Variants in DAPK1 observed in about 807,000 individuals in gnomAD.
The protein encoded by DAPK1 is death-associated protein kinase 1.
A neutral mutation model predicts 144.9 loss-of-function variants in DAPK1; 56 were observed. That is an observed-to-expected ratio of 0.39 (90% confidence interval 0.31 to 0.48). DAPK1 has a LOEUF of 0.48. DAPK1 is among the 20% of genes least tolerant of loss of function. The probability of loss-of-function intolerance (pLI) is 0.95; values close to 1 mark genes in which losing one functional copy is unlikely to be tolerated. For missense variants in DAPK1, 1,454 were observed against 1,875.4 expected, an observed-to-expected ratio of 0.78 and a Z score of 4.15; for synonymous variants, 690 against 749.0, an observed-to-expected ratio of 0.92 and a Z score of 1.29.
At chr9:87,602,649 CCT>C (rs1460151794) in intron 2 of DAPK1, among the ~76,000 whole-genome samples, 1 of 151,646 alleles carries the variant, frequency 6.6e-6, no homozygotes, top group Non-Finnish European at 1.5e-5. Context: ...TCTTTTTCCC[CCT>C]GAGACGGAGT....
intron 2 of DAPK1, among the ~76,000 whole-genome samples, chr9:87,526,553 G>A (rs1269254679): frequency 1.3e-5 from 2 of 152,226 alleles, no homozygotes; most frequent in Non-Finnish European, 2.9e-5. Flanking sequence ...CCAACTGAAT[G>A]ACATTTGGAT....
At chr9:87,571,498 A>AACACACACACACACACACGCAC (rs1827352433) in intron 2 of DAPK1, among the ~76,000 whole-genome samples, 1 of 46,492 alleles carries the variant, frequency 2.2e-5, no homozygotes, top group African/African-American at 9.6e-5. Context: ...CACACACCCC[A>AACACACACACACACACACGCAC]ACACACACAC....
chr9:87,605,079 G>C lies in DAPK1; in HGVS notation c.188G>C (p.Arg63Pro). 6.2e-7 allele frequency: 1 copy of C among 1,614,190 alleles called. No homozygotes were observed. ...GGTGTGAGCCGCGAGGACATCGAGCGGGAGGTCAGCATCCTGAAGGAGATC... is the reference window on the plus strand; with the variant it reads ...GGTGTGAGCCGCGAGGACATCGAGCCGGAGGTCAGCATCCTGAAGGAGATC... ...RRGVSREDIEREVSILKEIQH... is the reference protein window; with the variant it reads ...RRGVSREDIEPEVSILKEIQH... Residue 63 changes from arginine (R) to proline (P), a missense_variant, in exon 3 of 26, where the codon CGG (arginine) becomes CCG (proline). This residue lies in a region of DAPK1 where 429 missense variants were observed against 637.5 expected (regional missense o/e 0.67). Coordinates refer to ENST00000408954, the MANE Select transcript of DAPK1 (RefSeq NM_004938.4).
intron 2 of DAPK1, among the ~76,000 whole-genome samples, chr9:87,530,408 T>A (rs1825659434): frequency 6.6e-6 from 1 of 152,238 alleles, no homozygotes; most frequent in Non-Finnish European, 1.5e-5. Context: ...ATTTCAAGTC[T>A]GTTTTGTAAG....
intron 17 of DAPK1, among the ~76,000 whole-genome samples, chr9:87,652,993 C>T (rs1830508158): frequency 7.8e-6 from 1 of 128,742 alleles, no homozygotes; most frequent in Non-Finnish European, 1.7e-5. Flanking sequence ...GTGTCCATCC[C>T]CCCGATCCCG....
chr9:87,577,197 G>C (rs1827592791), intron 2 of DAPK1, among the ~76,000 whole-genome samples: 1 of 152,110 alleles, frequency 6.6e-6, no homozygotes, highest in South Asian at 2.1e-4. Flanking sequence ...GTGGTTTCTG[G>C]ACCTGCATCA....
At chr9:87,663,413 C>CG (rs1564057000) in intron 18 of DAPK1, among the ~76,000 whole-genome samples, 1 of 152,142 alleles carries the variant, frequency 6.6e-6, no homozygotes, top group Admixed American at 6.5e-5. Context: ...CTGTTGCCTC[C>CG]GCTCCCGCCC....
chr9:87,582,788 C>T (rs776927652), intron 2 of DAPK1, among the ~76,000 whole-genome samples: 27 of 151,944 alleles, frequency 1.8e-4, no homozygotes, highest in Non-Finnish European at 3.2e-4. Flanking sequence ...CTCCTGACCT[C>T]GTGATCCCCC....
At position 87,647,324 on chromosome 9, in the gene DAPK1, A is replaced by G. The variant is rs1564044116; in HGVS notation, c.1250A>G (p.Tyr417Cys). Residue 417 changes from tyrosine (Y) to cysteine (C), a missense_variant, in exon 14 of 26, where the codon TAC (tyrosine) becomes TGC (cysteine). Physicochemically the swap from Tyr to Cys is radical, Grantham distance 194. Coordinates refer to ENST00000408954, the MANE Select transcript of DAPK1 (RefSeq NM_004938.4). ...CTGCAGGGCGGGTCCAATGCCGTCT[A>G]CTGGGCTGCTCGGCATGGCCACGTC... ...VQDKGGSNAVYWAARHGHVDT... is the reference protein window; with the variant it reads ...VQDKGGSNAVCWAARHGHVDT... 3.1e-6 allele frequency: 5 copies of G among 1,614,174 alleles called. No homozygotes were observed. Among genetic ancestry groups the G allele is most frequent in the East Asian group, 4.5e-5 (2 of 44,882 alleles).
intron 3 of DAPK1, among the ~76,000 whole-genome samples, chr9:87,617,408 TG>T (rs1829134498): frequency 6.6e-6 from 1 of 152,142 alleles, no homozygotes. Context: ...ACCCCTTGGG[TG>T]CCACATCCAT....
intron 3 of DAPK1, among the ~76,000 whole-genome samples, chr9:87,613,887 C>T (rs1829010534): frequency 6.6e-6 from 1 of 152,198 alleles, no homozygotes; most frequent in Admixed American, 6.5e-5. Flanking sequence ...CTCGAGCCAG[C>T]TCTTTTGACT....
intron 2 of DAPK1, among the ~76,000 whole-genome samples, chr9:87,528,531 T>C (rs1456466175): frequency 6.6e-6 from 1 of 152,136 alleles, no homozygotes; most frequent in Non-Finnish European, 1.5e-5. Context: ...CATGCACCTT[T>C]TCTAATCCCT....
At chr9:87,512,028 G>T (rs1824867612) in intron 2 of DAPK1, among the ~76,000 whole-genome samples, 1 of 144,230 alleles carries the variant, frequency 6.9e-6, no homozygotes, top group African/African-American at 2.6e-5. Flanking sequence ...TATTTTTCTA[G>T]CTTGCTTTTT....
At chr9:87,664,948 C>T (rs1022539452) in intron 18 of DAPK1, among the ~76,000 whole-genome samples, 3 of 152,306 alleles carry the variant, frequency 2.0e-5, no homozygotes, top group South Asian at 2.1e-4. Context: ...GGCCATCCAC[C>T]GCCCGGGGGC....
chr9:87,651,021 C>T (rs1389149252), intron 16 of DAPK1, among the ~76,000 whole-genome samples: 2 of 152,182 alleles, frequency 1.3e-5, no homozygotes, highest in South Asian at 2.1e-4. Flanking sequence ...GAATGAATGC[C>T]CGGGCTGGTT....
intron 14 of DAPK1, among the ~76,000 whole-genome samples, chr9:87,647,645 A>C (rs1830316654): frequency 6.6e-6 from 1 of 152,218 alleles, no homozygotes; most frequent in Non-Finnish European, 1.5e-5. Flanking sequence ...TATAATCCCC[A>C]TAACATAAAA....
intron 14 of DAPK1, among the ~76,000 whole-genome samples, chr9:87,647,862 A>C (rs930963673): frequency 6.6e-6 from 1 of 152,132 alleles, no homozygotes; most frequent in African/African-American, 2.4e-5. Context: ...TTTTTTTGGC[A>C]CAACGGTGTT....
chr9:87,631,983 T>C, intron 3 of DAPK1: 1 of 699,266 alleles, frequency 1.4e-6, no homozygotes, highest in South Asian at 6.8e-5. Flanking sequence ...TATGTAGAAA[T>C]AAAGGAAGAT....
intron 2 of DAPK1, among the ~76,000 whole-genome samples, chr9:87,542,974 A>G (rs1024424841): frequency 3.3e-5 from 5 of 152,244 alleles, no homozygotes; most frequent in African/African-American, 1.2e-4. Context: ...TAATTAGCGT[A>G]CTATAGACTG....
Sources: allele counts gnomAD v4.1 joint callset (sites outside exome capture counted in the v4.1 genomes callset), GRCh38; gene constraint gnomAD v4.1.1; regional missense constraint gnomAD v4.1.1; transcripts MANE v1.5; gene names NCBI Gene and HGNC (gene_info 2026-07-23, HGNC 2026-07-21).